The following ADGRL2 variants were observed in gnomAD, a reference collection of about 807,000 sequenced individuals.
ADGRL2 encodes calcium-independent alpha-latrotoxin receptor 2.
In ADGRL2, 44 loss-of-function variants were observed where a neutral mutation model predicts 157.4. That is an observed-to-expected ratio of 0.28 (90% CI 0.22 to 0.36). ADGRL2 has a LOEUF of 0.36. ADGRL2 is among the 10% of genes least tolerant of loss of function. The pLI, the probability that ADGRL2 is intolerant of heterozygous loss-of-function variation, is 1.00. For missense variants in ADGRL2, 1,510 were observed against 1,768.9 expected (o/e 0.85, Z 2.63); for synonymous variants, 585 against 624.7 (o/e 0.94, Z 0.95).
intron 1 of ADGRL2, among the ~76,000 whole-genome samples, chr1:81,444,231 T>C (rs1249405506): frequency 2.0e-5 from 3 of 152,250 alleles, no homozygotes; most frequent in African/African-American, 7.2e-5. Flanking sequence ...CAGGTAAACC[T>C]TTCCTTATAC....
intron 3 of ADGRL2, among the ~76,000 whole-genome samples, chr1:81,641,345 C>T (rs2082215381): frequency 6.6e-6 from 1 of 152,162 alleles, no homozygotes; most frequent in Non-Finnish European, 1.5e-5. Context: ...CCATAAGCTA[C>T]TTTATCCATC....
intron 2 of ADGRL2, among the ~76,000 whole-genome samples, chr1:81,551,620 T>C (rs2080148484): frequency 6.6e-6 from 1 of 152,202 alleles, no homozygotes; most frequent in East Asian, 1.9e-4. Flanking sequence ...TGTGCACTTA[T>C]GTATACATCA....
intron 2 of ADGRL2, among the ~76,000 whole-genome samples, chr1:81,779,891 C>T (rs1428993568): frequency 1.3e-5 from 2 of 152,158 alleles, no homozygotes; most frequent in Non-Finnish European, 2.9e-5. Context: ...TCAGCAAGGC[C>T]GGTCAAGAAA....
At chr1:81,614,248 T>C (rs989793119) in intron 3 of ADGRL2, among the ~76,000 whole-genome samples, 7 of 152,194 alleles carry the variant, frequency 4.6e-5, no homozygotes. Flanking sequence ...CCTCTCCATA[T>C]AATCCCCTAC....
intron 2 of ADGRL2, among the ~76,000 whole-genome samples, chr1:81,545,719 T>A (rs906261777): frequency 8.5e-5 from 13 of 152,142 alleles, no homozygotes; most frequent in African/African-American, 3.1e-4. Context: ...TTAGGAAGAT[T>A]AAGTAATTTT....
chr1:81,806,810 A>C (rs2089224450), intron 1 of ADGRL2, among the ~76,000 whole-genome samples: 1 of 152,028 alleles, frequency 6.6e-6, no homozygotes, highest in Non-Finnish European at 1.5e-5. Context: ...AGGGTTACTT[A>C]GATTAAGAAT....
At position 81,626,186 on chromosome 1, in the gene ADGRL2, C is replaced by T. The variant is rs975928498; in HGVS notation, c.-143+45206C>T. ...TTCTAGCAGTACTTCCCTAGAACTA[C>T]TCCACCCTTTTCCACACCTTGCCTG... is the stretch of plus-strand genomic sequence containing the variant. On this transcript the variant is annotated intron_variant, in intron 3 of 24. Transcript: ENST00000370721. Among the ~76,000 whole-genome samples the T allele has an allele frequency of 2.6e-5, 4 of 152,248 alleles. No homozygotes were observed. In the East Asian group the frequency reaches 7.7e-4, roughly 29 times the overall value.
intron 2 of ADGRL2, among the ~76,000 whole-genome samples, chr1:81,777,640 G>A (rs1220912196): frequency 6.6e-6 from 1 of 152,154 alleles, no homozygotes; most frequent in Non-Finnish European, 1.5e-5. Context: ...GCACATGCCT[G>A]TAGTCCCAGC....
chr1:81,931,835 T>A (rs1267472716), intron 3 of ADGRL2, among the ~76,000 whole-genome samples: 2 of 152,136 alleles, frequency 1.3e-5, no homozygotes, highest in Non-Finnish European at 2.9e-5. Context: ...GGTTTTGCCA[T>A]GTTACCCAAG....
chr1:81,579,085 G>A (rs1557478274), intron 2 of ADGRL2, among the ~76,000 whole-genome samples: 1 of 152,132 alleles, frequency 6.6e-6, no homozygotes, highest in Non-Finnish European at 1.5e-5. Flanking sequence ...CCTATGGGGA[G>A]TTCATTCTGC....
chr1:81,724,543 C>T (rs1570967896), intron 1 of ADGRL2, among the ~76,000 whole-genome samples: 2 of 152,004 alleles, frequency 1.3e-5, no homozygotes, highest in East Asian at 1.9e-4. Flanking sequence ...TGCTTTCTTT[C>T]CCTCCCCTCC....
chr1:81,369,544 C>G (rs116588565), intron 1 of ADGRL2, among the ~76,000 whole-genome samples: 3 of 152,144 alleles, frequency 2.0e-5, no homozygotes, highest in Admixed American at 6.6e-5. Flanking sequence ...ATGCATGCCT[C>G]TCTATATGGG....
At position 81,729,779 on chromosome 1, in the gene ADGRL2, A is replaced by C. The variant is rs546475684; in HGVS notation, c.-143+29971A>C. On this transcript the variant is annotated intron_variant, in intron 1 of 20. Coordinates refer to the ADGRL2 transcript ENST00000359929. ...CATTTAAGTTACACGTATGAACAATAAACTATTTAAATCAAGCCATCTCCA... is the reference window on the plus strand; with the variant it reads ...CATTTAAGTTACACGTATGAACAATCAACTATTTAAATCAAGCCATCTCCA... Among the ~76,000 whole-genome samples, 194 of 152,346 alleles carry C rather than the reference A, an allele frequency of 1.3e-3. No individual in the cohort carries two copies. The Middle Eastern group carries it at 0.017, about 13-fold the overall frequency.
chr1:81,358,097 A>G (rs897243473), intron 1 of ADGRL2, among the ~76,000 whole-genome samples: 1 of 107,154 alleles, frequency 9.3e-6, no homozygotes, highest in Admixed American at 9.6e-5. Flanking sequence ...ACAAGAATCA[A>G]GCCCCCAGCG....
At chr1:81,351,800 C>T (rs1361758450) in intron 1 of ADGRL2, among the ~76,000 whole-genome samples, 1 of 152,186 alleles carries the variant, frequency 6.6e-6, no homozygotes, top group Non-Finnish European at 1.5e-5. Flanking sequence ...ACCTGAATGA[C>T]TACATAGGTG....
intron 2 of ADGRL2, among the ~76,000 whole-genome samples, chr1:81,467,179 A>G (rs1422731487): frequency 2.0e-5 from 3 of 152,168 alleles, no homozygotes; most frequent in Admixed American, 6.6e-5. Flanking sequence ...GTATATACAC[A>G]TCATAACTGC....
intron 1 of ADGRL2, among the ~76,000 whole-genome samples, chr1:81,329,676 A>G (rs528348269): frequency 2.4e-4 from 37 of 152,208 alleles, no homozygotes; most frequent in Non-Finnish European, 5.0e-4. Context: ...ATTTGATTAT[A>G]TCAAAACTGC....
At chr1:81,942,685 A>G in intron 5 of ADGRL2, 1 of 434,924 alleles carries the variant, frequency 2.3e-6, no homozygotes, top group African/African-American at 2.0e-5. Context: ...AGATTATAAG[A>G]TGAAAACATA....
intron 2 of ADGRL2, among the ~76,000 whole-genome samples, chr1:81,519,966 T>A (rs1351242292): frequency 1.3e-5 from 2 of 152,218 alleles, no homozygotes; most frequent in African/African-American, 4.8e-5. Flanking sequence ...AGAATAAATT[T>A]TCTTGGGCTT....
Sources: gnomAD v4.1 joint callset for allele counts (sites outside exome capture counted in the v4.1 genomes callset) on GRCh38, gnomAD v4.1.1 for gene constraint, MANE v1.5 for transcripts, NCBI Gene and HGNC (gene_info 2026-07-23, HGNC 2026-07-21) for gene names.